Variants in ZNF385D observed in about 807,000 individuals in gnomAD.
ZNF385D encodes the protein zinc finger protein 385D.
In ZNF385D, 15 loss-of-function variants were observed where a neutral mutation model predicts 35.8. That is an observed-to-expected ratio of 0.42 (90% CI 0.28 to 0.64). The LOEUF is 0.64. Among genes scored for constraint, ZNF385D ranks in the 30% least tolerant of loss-of-function variants. The probability of loss-of-function intolerance (pLI) is 0.23; values close to 1 mark genes in which losing one functional copy is unlikely to be tolerated. For missense variants in ZNF385D, 474 were observed against 494.6 expected (o/e 0.96, Z 0.39); for synonymous variants, 212 against 186.8 (o/e 1.13, Z -1.10).
intron 3 of ZNF385D, among the ~76,000 whole-genome samples, chr3:22,140,883 GACAAT>G (rs1224630398): frequency 6.6e-6 from 1 of 152,188 alleles, no homozygotes; most frequent in East Asian, 1.9e-4. Flanking sequence ...AGACAAATGA[GACAAT>G]ACAATACCCT....
chr3:21,960,364 T>C (rs1036506191), intron 3 of ZNF385D, among the ~76,000 whole-genome samples: 2 of 151,810 alleles, frequency 1.3e-5, no homozygotes, highest in African/African-American at 4.8e-5. Flanking sequence ...ATCGGGGAAA[T>C]ACAAATCAAA....
intron 3 of ZNF385D, among the ~76,000 whole-genome samples, chr3:21,536,846 G>A (rs1316443563): frequency 6.6e-6 from 1 of 152,012 alleles, no homozygotes; most frequent in Non-Finnish European, 1.5e-5. Context: ...CTTGAGTATA[G>A]CTTGAAGAAG....
At chr3:21,758,496 T>A (rs1405374376) in intron 3 of ZNF385D, among the ~76,000 whole-genome samples, 1 of 152,066 alleles carries the variant, frequency 6.6e-6, no homozygotes, top group South Asian at 2.1e-4. Context: ...CAGTCAACCA[T>A]CAGGCAAGAG....
intron 2 of ZNF385D, among the ~76,000 whole-genome samples, chr3:21,615,316 G>A (rs913382174): frequency 2.0e-5 from 3 of 151,890 alleles, no homozygotes; most frequent in East Asian, 1.9e-4. Context: ...GAAGCTTCCC[G>A]AGGCCCTCAT....
chr3:22,137,320 A>G (rs1228909298), intron 3 of ZNF385D, among the ~76,000 whole-genome samples: 1 of 152,230 alleles, frequency 6.6e-6, no homozygotes, highest in African/African-American at 2.4e-5. Context: ...AACTCATTTT[A>G]CGAGGCCAGC....
intron 3 of ZNF385D, among the ~76,000 whole-genome samples, chr3:22,098,051 G>C (rs997444225): frequency 6.6e-6 from 1 of 152,026 alleles, no homozygotes; most frequent in African/African-American, 2.4e-5. Context: ...GAAATACCTA[G>C]AGTGTGTTGG....
At chr3:22,094,191 A>T (rs810450) in intron 3 of ZNF385D, among the ~76,000 whole-genome samples, 1 of 150,922 alleles carries the variant, frequency 6.6e-6, no homozygotes, top group Non-Finnish European at 1.5e-5. Context: ...TATATTATTC[A>T]TCTTTTGGTT....
intron 3 of ZNF385D, among the ~76,000 whole-genome samples, chr3:21,548,198 T>C (rs1311065940): frequency 6.6e-6 from 1 of 152,172 alleles, no homozygotes. Flanking sequence ...GGCGGTGATA[T>C]GGACAAGAAC....
At chr3:22,177,077 T>C (rs923589677) in intron 2 of ZNF385D, among the ~76,000 whole-genome samples, 1 of 152,168 alleles carries the variant, frequency 6.6e-6, no homozygotes, top group Non-Finnish European at 1.5e-5. Context: ...CTTGAATCAG[T>C]CATGCCATCA....
chr3:21,723,739 C>T (rs567535995), intron 1 of ZNF385D, among the ~76,000 whole-genome samples: 2 of 152,088 alleles, frequency 1.3e-5, no homozygotes, highest in Non-Finnish European at 2.9e-5. Context: ...GGATATTATC[C>T]AGGAGAACTT....
chr3:21,622,860 T>C (rs2065042867), intron 2 of ZNF385D, among the ~76,000 whole-genome samples: 1 of 152,124 alleles, frequency 6.6e-6, no homozygotes, highest in African/African-American at 2.4e-5. Context: ...ACATGATTTA[T>C]GTGGAGGATG....
At chr3:21,981,365 C>A (rs535644859) in intron 3 of ZNF385D, among the ~76,000 whole-genome samples, 1 of 151,872 alleles carries the variant, frequency 6.6e-6, no homozygotes, top group African/African-American at 2.4e-5. Context: ...GCCTGCATGT[C>A]TTCTTTTGAG....
chr3:21,914,742 G>T (rs775992003), intron 3 of ZNF385D, among the ~76,000 whole-genome samples: 4 of 151,870 alleles, frequency 2.6e-5, no homozygotes, highest in Non-Finnish European at 4.4e-5. Context: ...TTAAGAAAGA[G>T]TTTTACTTGA....
intron 3 of ZNF385D, among the ~76,000 whole-genome samples, chr3:22,010,152 A>C (rs1696479835): frequency 6.6e-6 from 1 of 152,210 alleles, no homozygotes; most frequent in Non-Finnish European, 1.5e-5. Context: ...ATTTCATTTA[A>C]TAAAAATATG....
intron 3 of ZNF385D, among the ~76,000 whole-genome samples, chr3:21,845,345 A>C (rs1008186723): frequency 3.9e-5 from 6 of 152,042 alleles, no homozygotes; most frequent in African/African-American, 1.2e-4. Flanking sequence ...TGGTTGTAGC[A>C]TAAACTCAGG....
At chr3:22,221,459 A>G (rs1250817109) in intron 2 of ZNF385D, among the ~76,000 whole-genome samples, 1 of 152,186 alleles carries the variant, frequency 6.6e-6, no homozygotes, top group Non-Finnish European at 1.5e-5. Context: ...CTGTACGCAC[A>G]TTAAAGTTTG....
chr3:21,427,703 A>T (rs1208326782), intron 5 of ZNF385D, among the ~76,000 whole-genome samples: 1 of 152,150 alleles, frequency 6.6e-6, no homozygotes, highest in Non-Finnish European at 1.5e-5. Flanking sequence ...CATCTATGTC[A>T]TGTTTTTTAG....
intron 3 of ZNF385D, among the ~76,000 whole-genome samples, chr3:22,103,508 C>T (rs1702049080): frequency 1.3e-5 from 2 of 152,120 alleles, no homozygotes; most frequent in Admixed American, 6.6e-5. Flanking sequence ...CTCTGTTTTT[C>T]TCCAAATGGA....
intron 2 of ZNF385D, among the ~76,000 whole-genome samples, chr3:22,272,932 GA>G (rs1304905969): frequency 6.6e-6 from 1 of 151,934 alleles, no homozygotes; most frequent in African/African-American, 2.4e-5. Context: ...TCAGAAATAA[GA>G]GAGGACAAAA....
Sources: allele counts gnomAD v4.1 joint callset (sites outside exome capture counted in the v4.1 genomes callset), GRCh38; gene constraint gnomAD v4.1.1; transcripts MANE v1.5; gene names NCBI Gene and HGNC (gene_info 2026-07-23, HGNC 2026-07-21).